GAD2: variants seen among roughly 807,000 people sequenced by gnomAD.
GAD2 encodes the protein 65 kDa glutamic acid decarboxylase.
A neutral mutation model predicts 80.1 loss-of-function variants in GAD2; 22 were observed. The ratio of observed to expected loss-of-function variants is 0.27; its 90% CI spans 0.20 to 0.39. GAD2 has a LOEUF of 0.39. Among genes scored for constraint, GAD2 ranks in the 10% least tolerant of loss-of-function variants. GAD2 has a pLI of 1.00. For synonymous variants in GAD2, 274 were observed against 256.9 expected (o/e 1.07, Z -0.64); for missense variants, 624 against 738.4 (o/e 0.85, Z 1.80).
chr10:26,279,722 C>T (rs1194477794), intron 11 of GAD2, among the ~76,000 whole-genome samples: 3 of 152,148 alleles, frequency 2.0e-5, no homozygotes, highest in Non-Finnish European at 4.4e-5. Context: ...AGCACGGAAT[C>T]GCTGTTGTGT....
At chr10:26,219,014 A>G in intron 3 of GAD2, 29 bp from the exon 4 acceptor site, 1 of 1,478,726 alleles carries the variant, frequency 6.8e-7, no homozygotes. Context: ...AGTAAAATTA[A>G]AATGTGGCAT....
chr10:26,238,643 C>T (rs975980642), intron 7 of GAD2, among the ~76,000 whole-genome samples: 1 of 152,210 alleles, frequency 6.6e-6, no homozygotes, highest in African/African-American at 2.4e-5. Flanking sequence ...TGCCTGTGTA[C>T]AGATCCACAT....
intron 12 of GAD2, among the ~76,000 whole-genome samples, chr10:26,285,657 C>T (rs533810195): frequency 2.8e-4 from 42 of 152,180 alleles, no homozygotes; most frequent in Non-Finnish European, 4.3e-4. Flanking sequence ...TTATCTATCT[C>T]AAGGAACTGA....
At chr10:26,262,535 A>G (rs1186664581) in intron 8 of GAD2, among the ~76,000 whole-genome samples, 1 of 151,908 alleles carries the variant, frequency 6.6e-6, no homozygotes, top group East Asian at 1.9e-4. Context: ...TATTAAGTTT[A>G]CTTTTTATTT....
chr10:26,271,250 G>A (rs1253066280), intron 10 of GAD2, among the ~76,000 whole-genome samples: 1 of 152,126 alleles, frequency 6.6e-6, no homozygotes, highest in Non-Finnish European at 1.5e-5. Flanking sequence ...GGGAAATAAG[G>A]ACCACCAAAG....
At chr10:26,282,859 C>A (rs1356261934) in intron 12 of GAD2, among the ~76,000 whole-genome samples, 1 of 152,198 alleles carries the variant, frequency 6.6e-6, no homozygotes, top group African/African-American at 2.4e-5. Flanking sequence ...AAGACAGCAA[C>A]TTCCCCTCAA....
chr10:26,230,057 T>C (rs151320433), intron 7 of GAD2, among the ~76,000 whole-genome samples: 24 of 151,578 alleles, frequency 1.6e-4, no homozygotes, highest in African/African-American at 4.9e-4. Flanking sequence ...GCACCTATGA[T>C]CCTAGGACGC....
chr10:26,283,148 C>T (rs940624308), intron 12 of GAD2, among the ~76,000 whole-genome samples: 4 of 152,230 alleles, frequency 2.6e-5, no homozygotes, highest in African/African-American at 9.6e-5. Flanking sequence ...GATCTACTGA[C>T]TGGCAATTTG....
chr10:26,300,797 G>C lies in GAD2; in HGVS notation c.1594G>C (p.Val532Leu), dbSNP rs372117780. Residue 532 changes from valine to leucine, a missense_variant, in exon 16 of 16, where the codon GTG becomes CTG. Coordinates refer to ENST00000376261, the MANE Select transcript of GAD2 (RefSeq NM_001134366.2). ...RMSRLSKVAP[V>L]IKARMMEYGT... is the part of the protein sequence containing the mutation. ...ATGGTCTGTCCCACAGGTGGCTCCAGTGATTAAAGCCAGAATGATGGAGTA... is the reference window on the plus strand; with the variant it reads ...ATGGTCTGTCCCACAGGTGGCTCCACTGATTAAAGCCAGAATGATGGAGTA... The C allele has an allele frequency of 6.2e-7, 1 of 1,613,552 alleles. No homozygotes were observed. Among genetic ancestry groups the C allele is most frequent in the African/African-American group, 1.3e-5 (1 of 74,904 alleles).
Position 26,303,344 on chromosome 10 carries a change from G to A in GAD2, c.*2383G>A, listed in dbSNP as rs1459102177. The A allele has an allele frequency of 1.3e-5, 2 of 151,790 alleles. No homozygotes were observed. Among genetic ancestry groups the A allele is most frequent in the South Asian group, 2.1e-4 (1 of 4,818 alleles). 9.4% of individuals were successfully genotyped at this position (151,790 alleles called of 1,614,324 possible). A position where few individuals can be genotyped will look rare whatever the true frequency, so the allele number is the denominator to read the frequency against. On this transcript the variant is annotated 3_prime_UTR_variant, in exon 16 of 16. Transcript: ENST00000376261. ...TGCAGGGAAATCCTTACCAACTGTA[G>A]CCCAAAGAAGGAAGCAAATAAAAGC...
intron 11 of GAD2, among the ~76,000 whole-genome samples, chr10:26,275,256 G>C (rs889727368): frequency 1.1e-4 from 17 of 152,220 alleles, no homozygotes; most frequent in Non-Finnish European, 1.3e-4. Flanking sequence ...TCTTCTGTGA[G>C]TTTCTGACTG....
At chr10:26,267,544 A>AG (rs1459963531) in intron 8 of GAD2, among the ~76,000 whole-genome samples, 1 of 152,230 alleles carries the variant, frequency 6.6e-6, no homozygotes, top group Non-Finnish European at 1.5e-5. Context: ...CCCCAAAGGT[A>AG]GGCTGCCCTA....
chr10:26,233,034 CT>C (rs1844625593), intron 7 of GAD2, among the ~76,000 whole-genome samples: 1 of 152,144 alleles, frequency 6.6e-6, no homozygotes, highest in Non-Finnish European at 1.5e-5. Flanking sequence ...TATCTGACTA[CT>C]ATTTGACAGT....
At chr10:26,279,700 T>C (rs1429854440) in intron 11 of GAD2, among the ~76,000 whole-genome samples, 2 of 152,138 alleles carry the variant, frequency 1.3e-5, no homozygotes, top group African/African-American at 4.8e-5. Flanking sequence ...TTTGAAATAA[T>C]GTAAATCCCT....
At chr10:26,233,494 G>A (rs1382560057) in intron 7 of GAD2, among the ~76,000 whole-genome samples, 5 of 152,166 alleles carry the variant, frequency 3.3e-5, no homozygotes, top group African/African-American at 1.2e-4. Flanking sequence ...GGACAGGTGA[G>A]CTCTTAAAAG....
Position 26,281,086 on chromosome 10 carries a change from A to C in GAD2, c.1235A>C (p.Glu412Ala). 3.1e-6 allele frequency: 5 copies of C among 1,607,710 alleles called. No homozygotes were observed. The highest frequency in any genetic ancestry group is 4.3e-6 in the Non-Finnish European group (5 of 1,174,420). ...TGCTCTGCTCTCCTGGTTAGAGAAG[A>C]GGTATGTCTCTCTTGACTCTGTGTC... ...LQCSALLVRE[E>A]GLMQNCNQMH... Residue 412 changes from glutamate to alanine, a missense_variant and splice_region_variant, in exon 12 of 16, where the codon GAG becomes GCG. Physicochemically the swap from Glu to Ala is moderately radical, Grantham distance 107. Coordinates refer to ENST00000376261, the MANE Select transcript of GAD2 (RefSeq NM_001134366.2).
At chr10:26,268,021 C>T (rs75177908) in intron 8 of GAD2, among the ~76,000 whole-genome samples, 125 of 152,300 alleles carry the variant, frequency 8.2e-4, no homozygotes, top group African/African-American at 2.8e-3. Flanking sequence ...ACTCACTGCT[C>T]ACTATATGCC....
At chr10:26,248,732 T>C (rs1844841104) in intron 8 of GAD2, among the ~76,000 whole-genome samples, 1 of 152,224 alleles carries the variant, frequency 6.6e-6, no homozygotes, top group South Asian at 2.1e-4. Flanking sequence ...TTAAAGAAGC[T>C]TACCACTTTC....
At chr10:26,287,925 T>C (rs1012232179) in intron 13 of GAD2, among the ~76,000 whole-genome samples, 1 of 152,120 alleles carries the variant, frequency 6.6e-6, no homozygotes, top group Non-Finnish European at 1.5e-5. Flanking sequence ...AAAAAGCAAA[T>C]AACTTGGTCA....
Sources: gnomAD v4.1 joint callset for allele counts (sites outside exome capture counted in the v4.1 genomes callset) on GRCh38, gnomAD v4.1.1 for gene constraint, MANE v1.5 for transcripts, NCBI Gene and HGNC (gene_info 2026-07-23, HGNC 2026-07-21) for gene names.